Variants in PNKD observed in about 807,000 individuals in gnomAD.
The protein encoded by PNKD is probable thioesterase PNKD.
Under a neutral mutation model 45.3 loss-of-function variants are expected in PNKD, and 36 were observed. The observed-to-expected ratio is 0.80, with a 90% CI of 0.61 to 1.05. The LOEUF is 1.05. Ranked by LOEUF, PNKD falls within the 50% of genes least tolerant of loss-of-function variation. PNKD has a pLI of 0.00. For missense variants in PNKD, 511 were observed against 506.6 expected, an observed-to-expected ratio of 1.01 and a Z score of -0.08; for synonymous variants, 197 against 210.1, an observed-to-expected ratio of 0.94 and a Z score of 0.54.
In PNKD at chr2:218,342,425, C is replaced by T. The variant is rs376060155; in HGVS notation, c.781+281C>T. On this transcript the variant is annotated intron_variant, in intron 7 of 9. Transcript: ENST00000273077. Reference sequence around the variant, plus strand: ...CAAAAAAATTTTAAAATAGGCCAGGCGTGGTGGCTCATGCCTGTAATCCCA... The same window carrying T: ...CAAAAAAATTTTAAAATAGGCCAGGTGTGGTGGCTCATGCCTGTAATCCCA... Among the ~76,000 whole-genome samples, 9 of 152,092 alleles carry T rather than the reference C, an allele frequency of 5.9e-5. No individual in the cohort carries two copies. In the East Asian group the frequency reaches 1.5e-3, roughly 26 times the overall value.
At chr2:218,334,188 A>G (rs368487056) in intron 2 of PNKD, among the ~76,000 whole-genome samples, 2 of 152,026 alleles carry the variant, frequency 1.3e-5, no homozygotes, top group East Asian at 3.9e-4. Flanking sequence ...TAGCATTCCC[A>G]TATGCCTCTC....
intron 7 of PNKD, among the ~76,000 whole-genome samples, chr2:218,342,903 A>G (rs548221077): frequency 1.3e-5 from 2 of 152,296 alleles, no homozygotes; most frequent in Middle Eastern, 3.4e-3. Flanking sequence ...CAGGAATTCA[A>G]GGTTGCAGTG....
intron 2 of PNKD, chr2:218,281,141 G>GTTTTTTTTTTTTTGGT (rs71856767): frequency 1.0e-5 from 1 of 95,700 alleles, no homozygotes; most frequent in Non-Finnish European, 1.8e-5. Context: ...TTTTTTTTTG[G>GTTTTTTTTTTTTTGGT]TTTTTTTTTT....
At chr2:218,323,149 G>A in intron 2 of PNKD, 2 of 1,337,646 alleles carry the variant, frequency 1.5e-6, no homozygotes, top group Non-Finnish European at 1.9e-6. Flanking sequence ...AATGGGCGGG[G>A]CGGGGCCACA....
Position 218,340,702 on chromosome 2 carries a change from G to GT in PNKD, c.466-25dup. On this transcript the variant is annotated intron_variant, in intron 4 of 9. Transcript: ENST00000273077. This position sits in a 1 kb window ranked among gnomAD's most constrained non-coding sequence, Gnocchi z 4.2. ...AGTGCCTCTTGCATCCTGCTCCCCA[G>GT]TCTCCAAACCTCCTCTCTCTCGCAG... 1 of 1,602,170 alleles carries GT rather than the reference G, an allele frequency of 6.2e-7. No individual in the cohort carries two copies. The highest frequency in any genetic ancestry group is 8.6e-7 in the Non-Finnish European group (1 of 1,169,374).
chr2:218,307,293 C>T (rs952629862), intron 2 of PNKD, among the ~76,000 whole-genome samples: 2 of 151,842 alleles, frequency 1.3e-5, no homozygotes, highest in African/African-American at 4.8e-5. Context: ...TTATTGTGCA[C>T]TAGATTTCTA....
At chr2:218,282,136 G>A in intron 2 of PNKD, 1 of 1,503,734 alleles carries the variant, frequency 6.7e-7, no homozygotes, top group South Asian at 1.3e-5. Flanking sequence ...CGCTGGGGTT[G>A]GACATGGCTG....
intron 2 of PNKD, among the ~76,000 whole-genome samples, chr2:218,292,818 C>A (rs1268019042): frequency 6.6e-6 from 1 of 152,204 alleles, no homozygotes; most frequent in African/African-American, 2.4e-5. Context: ...TTGGCTATTA[C>A]ATTTCTGTAT....
At chr2:218,323,195 C>T (rs1265928341) in intron 2 of PNKD, 2 of 1,387,504 alleles carry the variant, frequency 1.4e-6, no homozygotes, top group South Asian at 1.6e-5. Context: ...GCAGGTTCCC[C>T]GCGGGGGGCC....
chr2:218,333,370 G>A (rs1310517022), intron 2 of PNKD, among the ~76,000 whole-genome samples: 3 of 152,150 alleles, frequency 2.0e-5, no homozygotes, highest in African/African-American at 4.8e-5. Flanking sequence ...CTGGGAACAC[G>A]TAGTCAGCAT....
chr2:218,290,690 G>A (rs1692875753), intron 2 of PNKD, among the ~76,000 whole-genome samples: 2 of 152,190 alleles, frequency 1.3e-5, no homozygotes, highest in South Asian at 2.1e-4. Context: ...ACAAAAGTGG[G>A]AGCTCATTAA....
chr2:218,275,577 G>A (rs1691111227), intron 2 of PNKD: 1 of 1,613,970 alleles, frequency 6.2e-7, no homozygotes, highest in Non-Finnish European at 8.5e-7. Flanking sequence ...GGCTGATGGT[G>A]TGCTTCCGGT....
chr2:218,314,397 A>T (rs1693710599), intron 2 of PNKD, among the ~76,000 whole-genome samples: 2 of 151,188 alleles, frequency 1.3e-5, no homozygotes, highest in African/African-American at 4.9e-5. Context: ...GATTTTTTAA[A>T]TTTTTTGTAG....
chr2:218,321,890 T>A (rs1693995057), intron 2 of PNKD, among the ~76,000 whole-genome samples: 1 of 150,958 alleles, frequency 6.6e-6, no homozygotes, highest in South Asian at 2.1e-4. Flanking sequence ...CCTCCCAAAG[T>A]GCTGGGATTA....
intron 2 of PNKD, among the ~76,000 whole-genome samples, chr2:218,305,651 C>T (rs1188548167): frequency 1.3e-5 from 2 of 152,070 alleles, no homozygotes; most frequent in Admixed American, 6.6e-5. Flanking sequence ...AGCCACCACC[C>T]CCAGCCCAGA....
chr2:218,325,823 A>G (rs1694137259), intron 2 of PNKD, among the ~76,000 whole-genome samples: 1 of 152,162 alleles, frequency 6.6e-6, no homozygotes, highest in Admixed American at 6.5e-5. Flanking sequence ...GTATTTCTAC[A>G]GGCTTTCCTG....
At chr2:218,278,672 G>A (rs1691522151) in intron 2 of PNKD, 2 of 1,228,730 alleles carry the variant, frequency 1.6e-6, no homozygotes, top group African/African-American at 3.0e-5. Context: ...GAAGTCTGAG[G>A]GGAAGCAACT....
chr2:218,336,337 G>T (rs1372931877), intron 2 of PNKD, among the ~76,000 whole-genome samples: 3 of 151,544 alleles, frequency 2.0e-5, no homozygotes, highest in Non-Finnish European at 4.4e-5. Context: ...GTCATTCTAA[G>T]TAAGAAGCAT....
At chr2:218,300,224 C>T (rs547299076) in intron 2 of PNKD, among the ~76,000 whole-genome samples, 5 of 152,332 alleles carry the variant, frequency 3.3e-5, no homozygotes, top group African/African-American at 7.2e-5. Context: ...AAACATGCAA[C>T]GGTCCTGACT....
Sources: gnomAD v4.1 joint callset for allele counts (sites outside exome capture counted in the v4.1 genomes callset) on GRCh38, gnomAD v4.1.1 for gene constraint, Gnocchi (gnomAD v3.1) non-coding constraint, MANE v1.5 for transcripts, NCBI Gene and HGNC (gene_info 2026-07-23, HGNC 2026-07-21) for gene names.